The following RBM47 variants were observed in gnomAD, a reference collection of about 807,000 sequenced individuals.
RBM47 encodes the protein RNA binding motif protein 47.
Under a neutral mutation model 47.1 loss-of-function variants are expected in RBM47, and 21 were observed. That is an observed-to-expected ratio of 0.45 (90% CI 0.32 to 0.64). The LOEUF (loss-of-function observed/expected upper bound fraction) is 0.64, where lower values mean the gene tolerates loss of function less well. RBM47 is among the 30% of genes least tolerant of loss of function. The probability of loss-of-function intolerance (pLI) is 0.05; values close to 1 mark genes in which losing one functional copy is unlikely to be tolerated. For synonymous variants in RBM47, 375 were observed against 361.7 expected (o/e 1.04, Z -0.42); for missense variants, 708 against 870.9 (o/e 0.81, Z 2.35).
At chr4:40,592,294 G>A (rs1190031185) in intron 1 of RBM47, among the ~76,000 whole-genome samples, 3 of 148,554 alleles carry the variant, frequency 2.0e-5, no homozygotes, top group East Asian at 2.0e-4. Context: ...TTACTGGGTC[G>A]CTCAGGCTAG....
intron 2 of RBM47, among the ~76,000 whole-genome samples, chr4:40,476,946 C>A (rs1719693090): frequency 2.0e-5 from 3 of 152,096 alleles, no homozygotes; most frequent in Admixed American, 2.0e-4. Context: ...GTAAAAAGAC[C>A]AGAATGGGCC....
At chr4:40,447,825 A>G (rs941725249) in intron 3 of RBM47, among the ~76,000 whole-genome samples, 2 of 152,190 alleles carry the variant, frequency 1.3e-5, no homozygotes, top group Non-Finnish European at 2.9e-5. Context: ...CCTGGCTAAC[A>G]CAGTGAAACC....
rs142368751 is a variant in RBM47, at chr4:40,515,308, T to C, written c.-155+29114A>G. 2.2e-3 allele frequency among the ~76,000 whole-genome samples: 341 copies of C among 152,154 alleles called. 1 individual carries two copies. Among genetic ancestry groups the C allele is most frequent in the African/African-American group, 7.6e-3 (315 of 41,516 alleles). ...TGCCTGGTTTTACAGAAACTACCTA[T>C]AGAGATTGCTAGAGTCTTGGGCCCA... On this transcript the variant is annotated intron_variant, in intron 2 of 6. Transcript: ENST00000295971.
At chr4:40,484,403 T>A (rs920333874) in intron 2 of RBM47, among the ~76,000 whole-genome samples, 1 of 152,224 alleles carries the variant, frequency 6.6e-6, no homozygotes, top group Non-Finnish European at 1.5e-5. Flanking sequence ...TTCTTCCTGA[T>A]TTAGTTCAGC....
In RBM47 at chr4:40,605,083, C is replaced by A. The variant is rs374465736; in HGVS notation, c.-240+24313G>T. Among the ~76,000 whole-genome samples the A allele has an allele frequency of 4.0e-5, 6 of 151,110 alleles. No homozygotes were observed. In the East Asian group the frequency reaches 9.8e-4, roughly 25 times the overall value. On this transcript the variant is annotated intron_variant, in intron 1 of 6. Transcript: ENST00000295971. The stretch of plus-strand genomic sequence containing the variant: ...TGTTGCCCCGACGGGAGTGCAATGG[C>A]GCAATCTTGGCTCACTGCAACCTCC...
chr4:40,513,247 C>T (rs539443524), intron 2 of RBM47, among the ~76,000 whole-genome samples: 86 of 152,320 alleles, frequency 5.6e-4, no homozygotes, highest in Non-Finnish European at 1.0e-3. Flanking sequence ...TTACTGCAAG[C>T]GTCATTGGGC....
At chr4:40,597,168 G>A (rs1578040193) in intron 1 of RBM47, among the ~76,000 whole-genome samples, 1 of 152,128 alleles carries the variant, frequency 6.6e-6, no homozygotes, top group East Asian at 1.9e-4. Flanking sequence ...ACTGAGGCAG[G>A]AGAATCACTT....
chr4:40,510,467 T>C (rs989695054), intron 2 of RBM47, among the ~76,000 whole-genome samples: 1 of 152,164 alleles, frequency 6.6e-6, no homozygotes, highest in African/African-American at 2.4e-5. Context: ...TTGTGATCCA[T>C]GACCTAAGGG....
chr4:40,457,178 T>G (rs1383355355), intron 3 of RBM47, among the ~76,000 whole-genome samples: 3 of 151,800 alleles, frequency 2.0e-5, no homozygotes, highest in African/African-American at 7.2e-5. Flanking sequence ...CCAGCACTTT[T>G]GGAGGCCAAG....
At chr4:40,508,656 A>C (rs979074817) in intron 2 of RBM47, among the ~76,000 whole-genome samples, 1 of 152,208 alleles carries the variant, frequency 6.6e-6, no homozygotes, top group Non-Finnish European at 1.5e-5. Flanking sequence ...AAGGTAATCT[A>C]TGGTGATACA....
intron 1 of RBM47, among the ~76,000 whole-genome samples, chr4:40,613,483 T>C (rs1736423315): frequency 6.6e-6 from 1 of 152,154 alleles, no homozygotes; most frequent in Non-Finnish European, 1.5e-5. Context: ...AACTACGAAA[T>C]GACTTTTCTA....
chr4:40,629,245 C>A (rs1207661188), intron 1 of RBM47, among the ~76,000 whole-genome samples, 151 bp downstream of exon 1: 2 of 152,084 alleles, frequency 1.3e-5, no homozygotes, highest in Non-Finnish European at 2.9e-5. Context: ...TTATTTCCCA[C>A]TAAATATACC....
intron 3 of RBM47, among the ~76,000 whole-genome samples, chr4:40,450,883 G>T: frequency 6.6e-6 from 1 of 152,162 alleles, no homozygotes; most frequent in East Asian, 1.9e-4. Context: ...GGCAGGGGGT[G>T]CGCATAAAAT....
rs76202344 is a variant in RBM47, at chr4:40,622,035, C to T, written c.-240+7361G>A. Among the ~76,000 whole-genome samples, 696 of 152,304 alleles carry T rather than the reference C, an allele frequency of 4.6e-3. 3 individuals are homozygous for T. Among genetic ancestry groups the T allele is most frequent in the African/African-American group, 0.012 (507 of 41,560 alleles). On this transcript the variant is annotated intron_variant, in intron 1 of 6. Transcript: ENST00000295971. ...ATTTCGAGTAAAACGCATTCAGTCA[C>T]GCTTGAAATGTGTAAAAGCCTGTGT... is the stretch of plus-strand genomic sequence containing the variant.
At chr4:40,566,484 A>C (rs1731117667) in intron 1 of RBM47, among the ~76,000 whole-genome samples, 1 of 151,936 alleles carries the variant, frequency 6.6e-6, no homozygotes, top group Admixed American at 6.6e-5. Context: ...GTCTCTACTA[A>C]AAATACAAAA....
chr4:40,592,058 C>T (rs1009005391), intron 1 of RBM47, among the ~76,000 whole-genome samples: 2 of 152,164 alleles, frequency 1.3e-5, no homozygotes, highest in Non-Finnish European at 2.9e-5. Flanking sequence ...TAAAACAATG[C>T]TATGCTCATT....
intron 2 of RBM47, among the ~76,000 whole-genome samples, chr4:40,539,684 C>A (rs1046620551): frequency 2.5e-5 from 3 of 121,950 alleles, no homozygotes; most frequent in Non-Finnish European, 4.8e-5. Flanking sequence ...AGGTTGCAGT[C>A]AACCGAGATT....
intron 2 of RBM47, among the ~76,000 whole-genome samples, chr4:40,529,343 C>T (rs1727122122): frequency 6.6e-6 from 1 of 151,154 alleles, no homozygotes; most frequent in African/African-American, 2.4e-5. Flanking sequence ...CATGGTGAAA[C>T]CCTGTCTCTA....
chr4:40,439,579 A>G (rs1001828385), intron 3 of RBM47, among the ~76,000 whole-genome samples: 1 of 152,196 alleles, frequency 6.6e-6, no homozygotes, highest in Non-Finnish European at 1.5e-5. Context: ...GAAGCATTCA[A>G]AGATTTGGAA....
Sources: allele counts gnomAD v4.1 joint callset (sites outside exome capture counted in the v4.1 genomes callset), GRCh38; gene constraint gnomAD v4.1.1; transcripts MANE v1.5; gene names NCBI Gene and HGNC (gene_info 2026-07-23, HGNC 2026-07-21).